Variants in TNR observed in about 807,000 individuals in gnomAD.
TNR encodes tenascin-R.
A neutral mutation model predicts 150.4 loss-of-function variants in TNR; 45 were observed. The observed-to-expected ratio is 0.30, with a 90% CI of 0.24 to 0.38. The LOEUF (loss-of-function observed/expected upper bound fraction) is 0.38, where lower values mean the gene tolerates loss of function less well. Among genes scored for constraint, TNR ranks in the 10% least tolerant of loss-of-function variants. The pLI is 1.00. For missense variants in TNR, 1,544 were observed against 1,759.1 expected (o/e 0.88, Z 2.19); for synonymous variants, 687 against 678.4 (o/e 1.01, Z -0.20).
chr1:175,646,782 G>A (rs950056897), intron 1 of TNR, among the ~76,000 whole-genome samples: 8 of 152,190 alleles, frequency 5.3e-5, no homozygotes, highest in African/African-American at 1.9e-4. Context: ...TTCTGCCCAA[G>A]GTTCCACCAC....
chr1:175,523,994 C>T (rs1336715540), intron 2 of TNR, among the ~76,000 whole-genome samples: 1 of 152,090 alleles, frequency 6.6e-6, no homozygotes, highest in African/African-American at 2.4e-5. Flanking sequence ...GACTGGCCTC[C>T]CTCTTCTCTC....
At chr1:175,656,039 G>C (rs1226700107) in intron 1 of TNR, among the ~76,000 whole-genome samples, 1 of 152,094 alleles carries the variant, frequency 6.6e-6, no homozygotes, top group African/African-American at 2.4e-5. Context: ...GCAGAGGAAG[G>C]GGCAGTGGCA....
At chr1:175,742,687 C>T (rs568147014) in intron 1 of TNR, among the ~76,000 whole-genome samples, 4 of 152,248 alleles carry the variant, frequency 2.6e-5, no homozygotes, top group Non-Finnish European at 5.9e-5. Context: ...ACAGCAAGAG[C>T]CCAGAGAATA....
intron 2 of TNR, among the ~76,000 whole-genome samples, chr1:175,513,709 C>T (rs548180343): frequency 8.5e-5 from 13 of 152,286 alleles, no homozygotes; most frequent in African/African-American, 3.1e-4. Context: ...AAGAGGGGTG[C>T]TATTGACTGG....
chr1:175,517,063 G>GAGAGAA (rs1557981595), intron 2 of TNR, among the ~76,000 whole-genome samples: 5 of 146,504 alleles, frequency 3.4e-5, no homozygotes, highest in African/African-American at 1.1e-4. Flanking sequence ...GAGAGAAAGA[G>GAGAGAA]AGAGAGACCT....
At chr1:175,465,505 T>C (rs918726572) in intron 2 of TNR, among the ~76,000 whole-genome samples, 8 of 152,218 alleles carry the variant, frequency 5.3e-5, no homozygotes, top group Admixed American at 5.2e-4. Flanking sequence ...AGTAAGAAGA[T>C]GCTTGCTTTT....
At chr1:175,427,145 A>T (rs1205285136) in intron 2 of TNR, among the ~76,000 whole-genome samples, 6 of 151,232 alleles carry the variant, frequency 4.0e-5, no homozygotes, top group Non-Finnish European at 5.9e-5. Context: ...CCTTAAAAAA[A>T]AATACAGGTT....
intron 6 of TNR, among the ~76,000 whole-genome samples, chr1:175,393,335 C>T (rs1410118369): frequency 6.6e-6 from 1 of 152,146 alleles, no homozygotes; most frequent in Non-Finnish European, 1.5e-5. Flanking sequence ...GGGATTGATG[C>T]CATGCAAGCT....
intron 14 of TNR, 52 bp downstream of exon 14, chr1:175,362,611 C>G: frequency 6.3e-7 from 1 of 1,593,300 alleles, no homozygotes; most frequent in Non-Finnish European, 8.6e-7. Context: ...AACAACTTCA[C>G]CCAGATCTTC....
intron 1 of TNR, among the ~76,000 whole-genome samples, chr1:175,586,752 G>T (rs930974716): frequency 6.6e-6 from 1 of 152,208 alleles, no homozygotes; most frequent in Non-Finnish European, 1.5e-5. Context: ...GAGTCACAGA[G>T]CCACTGGATA....
At chr1:175,710,317 A>T (rs898816329) in intron 1 of TNR, among the ~76,000 whole-genome samples, 2 of 152,052 alleles carry the variant, frequency 1.3e-5, no homozygotes, top group Admixed American at 6.5e-5. Context: ...CTGGACAGTG[A>T]AGCCTTCCCT....
chr1:175,605,587 G>T, intron 1 of TNR, among the ~76,000 whole-genome samples: 1 of 152,308 alleles, frequency 6.6e-6, no homozygotes, highest in East Asian at 1.9e-4. Flanking sequence ...TTAAATGCTA[G>T]GATGAAGGAA....
At chr1:175,448,641 G>C (rs1241764967) in intron 2 of TNR, among the ~76,000 whole-genome samples, 1 of 152,142 alleles carries the variant, frequency 6.6e-6, no homozygotes, top group Admixed American at 6.5e-5. Context: ...CTCAGCTTTC[G>C]AGCTGTGGAG....
intron 2 of TNR, among the ~76,000 whole-genome samples, chr1:175,475,684 C>G (rs2102122824): frequency 6.6e-6 from 1 of 152,254 alleles, no homozygotes; most frequent in Middle Eastern, 3.4e-3. Context: ...GTTCATCTTT[C>G]AAAATCCAGA....
intron 19 of TNR, 108 bp from the exon 20 acceptor site, chr1:175,335,915 A>G (rs1173364082): frequency 1.1e-6 from 1 of 920,786 alleles, no homozygotes; most frequent in Non-Finnish European, 1.7e-6. Flanking sequence ...ACTGGGTTTT[A>G]TATCTGCAAT....
intron 2 of TNR, among the ~76,000 whole-genome samples, chr1:175,417,029 A>AAGAAAGAAAGAAAGAAAGAAAGAAAGAG (rs1419571894): frequency 1.0e-5 from 1 of 96,332 alleles, no homozygotes; most frequent in Non-Finnish European, 2.3e-5. Context: ...GAAAGAAAGA[A>AAGAAAGAAAGAAAGAAAGAAAGAAAGAG]AGAAAGAAAG....
intron 15 of TNR, 113 bp downstream of exon 15, chr1:175,359,499 T>C: frequency 1.3e-6 from 2 of 1,560,548 alleles, no homozygotes; most frequent in Non-Finnish European, 1.7e-6. Context: ...TAGGAACTTT[T>C]CTAATCTGTC....
At chr1:175,335,554 G>T in intron 20 of TNR, 157 bp downstream of exon 20, 1 of 664,500 alleles carries the variant, frequency 1.5e-6, no homozygotes, top group Non-Finnish European at 2.6e-6. Context: ...GATCAATAGT[G>T]AAGCTAAACA....
At chr1:175,349,512 G>T (rs928175664) in intron 18 of TNR, among the ~76,000 whole-genome samples, 3 of 152,096 alleles carry the variant, frequency 2.0e-5, no homozygotes, top group Non-Finnish European at 2.9e-5. Context: ...ACCCAATACC[G>T]CTTACATATA....
Sources: gnomAD v4.1 joint callset for allele counts (sites outside exome capture counted in the v4.1 genomes callset) on GRCh38, gnomAD v4.1.1 for gene constraint, MANE v1.5 for transcripts, NCBI Gene and HGNC (gene_info 2026-07-23, HGNC 2026-07-21) for gene names.